SCML2: variants seen among roughly 807,000 people sequenced by gnomAD.
SCML2 encodes the protein Scm polycomb group protein like 2, also known as sex comb on midleg-like protein 2.
In SCML2, 6 loss-of-function variants were observed where a neutral mutation model predicts 48.4. The observed-to-expected ratio is 0.12, with a 90% CI of 0.07 to 0.24. SCML2 has a LOEUF of 0.24. Ranked by LOEUF, SCML2 falls within the 10% of genes least tolerant of loss-of-function variation. The pLI is 1.00. For missense variants in SCML2, 377 were observed against 528.2 expected (o/e 0.71, Z 2.81); for synonymous variants, 181 against 189.5 (o/e 0.95, Z 0.37).
chrX:18,312,878 TA>T (rs1928996345), intron 6 of SCML2, among the ~76,000 whole-genome samples: 1 of 111,072 alleles, frequency 9.0e-6, no homozygotes, highest in Non-Finnish European at 1.9e-5. Flanking sequence ...ATATAAACTG[TA>T]TTTAAAGCCA....
In SCML2 at chrX:18,247,639, G is replaced by A. The variant is rs145514588; in HGVS notation, c.1570+130C>T. ...AGGGTTCAACAAAGCTGTCCAAGTA[G>A]TAGCCTAACTGCCAAACTTGTTTGG... On this transcript the variant is annotated intron_variant, in intron 12 of 14. Coordinates refer to ENST00000251900, the MANE Select transcript of SCML2 (RefSeq NM_006089.3). 1,597 of 429,014 alleles carry A rather than the reference G, an allele frequency of 3.7e-3. 38 individuals carry two copies. The Admixed American group carries it at 0.049, about 13-fold the overall frequency. 35.4% of individuals were successfully genotyped at this position (429,014 alleles called of 1,213,427 possible). A position where few individuals can be genotyped will look rare whatever the true frequency, so the allele number is the denominator to read the frequency against.
intron 6 of SCML2, among the ~76,000 whole-genome samples, chrX:18,305,781 G>A (rs1280686277): frequency 9.1e-6 from 1 of 109,415 alleles, no homozygotes; most frequent in Non-Finnish European, 1.9e-5. Flanking sequence ...AAAAGAAACT[G>A]TAAGTATAAA....
intron 6 of SCML2, among the ~76,000 whole-genome samples, chrX:18,307,166 C>A (rs55948039): frequency 9.1e-6 from 1 of 109,745 alleles, no homozygotes; most frequent in Non-Finnish European, 1.9e-5. Flanking sequence ...CACCTGTAGT[C>A]CCAGCTACTT....
chrX:18,349,859 A>C (rs1033932857), intron 1 of SCML2, among the ~76,000 whole-genome samples: 3 of 112,945 alleles, frequency 2.7e-5, no homozygotes, highest in African/African-American at 9.6e-5. Context: ...AACCCTAGAA[A>C]TAGACAACAT....
intron 1 of SCML2, among the ~76,000 whole-genome samples, chrX:18,335,027 C>T (rs905975681): frequency 2.7e-5 from 3 of 110,648 alleles, no homozygotes; most frequent in African/African-American, 9.9e-5. Context: ...GCCTGGGACA[C>T]TCAGCATCAG....
chrX:18,289,548 G>T (rs1928163532), intron 7 of SCML2, among the ~76,000 whole-genome samples: 1 of 111,720 alleles, frequency 9.0e-6, no homozygotes, highest in African/African-American at 3.2e-5. Flanking sequence ...ATACTCAAGT[G>T]TTTATTCAGA....
chrX:18,341,808 A>G (rs1221484943), intron 1 of SCML2, among the ~76,000 whole-genome samples: 1 of 112,132 alleles, frequency 8.9e-6, no homozygotes, highest in African/African-American at 3.2e-5. Context: ...CTTTGACTAT[A>G]ACTTGAGAAA....
Position 18,242,534 on chromosome X carries a change from C to T in SCML2, c.1879G>A (p.Asp627Asn). ...PSVLKQGFSK[D>N]PSTWSVDEVI... ...TCATCCACAGACCAGGTTGAAGGGT[C>T]CTTAGAGAAGCCTTGTTTCAGGACA... Residue 627 changes from aspartate to asparagine, a missense_variant, in exon 14 of 15, where the codon GAC becomes AAC. Coordinates refer to ENST00000251900, the MANE Select transcript of SCML2 (RefSeq NM_006089.3). 1 of 1,207,704 alleles carries T rather than the reference C, an allele frequency of 8.3e-7. No homozygotes were observed. Among genetic ancestry groups the T allele is most frequent in the Non-Finnish European group, 1.1e-6 (1 of 893,665 alleles).
At chrX:18,266,539 G>C (rs1203272920) in intron 7 of SCML2, among the ~76,000 whole-genome samples, 1 of 111,609 alleles carries the variant, frequency 9.0e-6, no homozygotes. Context: ...GATATGTTTA[G>C]TATTAATTCC....
rs1929569670 is a variant in SCML2 at position 18,329,028 on chromosome X, C to G, written c.91+1559G>C. Among the ~76,000 whole-genome samples the G allele has an allele frequency of 7.2e-5, 8 of 111,344 alleles. No individual in the cohort carries two copies. In the Admixed American group the frequency reaches 7.7e-4, roughly 11 times the overall value. On this transcript the variant is annotated intron_variant, in intron 3 of 14. Coordinates refer to ENST00000251900, the MANE Select transcript of SCML2 (RefSeq NM_006089.3). ...AGGCACTAGGGAGAAATGGGGAGTA[C>G]TGTTAATGGGTACAGGATTTCTTTT...
rs1476506160 is a variant in SCML2, at chrX:18,239,480, T to A, written c.*1771A>T. On this transcript the variant is annotated 3_prime_UTR_variant, in exon 15 of 15. Coordinates refer to ENST00000251900, the MANE Select transcript of SCML2 (RefSeq NM_006089.3). ...ATCTTATGACATGTAAGGAATAACATAAATGAAGCTATTCTTTAAATAGTT... is the reference window on the plus strand; with the variant it reads ...ATCTTATGACATGTAAGGAATAACAAAAATGAAGCTATTCTTTAAATAGTT... 2 of 112,671 alleles carry A rather than the reference T, an allele frequency of 1.8e-5. No homozygotes were observed. Among genetic ancestry groups the A allele is most frequent in the African/African-American group, 6.5e-5 (2 of 30,926 alleles). The allele number at this position is 112,671 out of a possible 1,213,427, so 9.3% of individuals were successfully genotyped here.
intron 6 of SCML2, among the ~76,000 whole-genome samples, chrX:18,312,221 A>G: frequency 8.9e-6 from 1 of 111,919 alleles, no homozygotes; most frequent in Admixed American, 9.5e-5. Context: ...CTTGTACCAG[A>G]GTGTTAACAA....
At chrX:18,322,809 G>A (rs187898412) in intron 5 of SCML2, among the ~76,000 whole-genome samples, 1 of 110,442 alleles carries the variant, frequency 9.1e-6, no homozygotes, top group East Asian at 2.9e-4. Flanking sequence ...CAGGAGAATC[G>A]CTTGAAACCA....
chrX:18,325,169 C>T (rs559327528), intron 3 of SCML2, among the ~76,000 whole-genome samples, 192 bp from the exon 4 acceptor site: 5 of 109,898 alleles, frequency 4.5e-5, no homozygotes, highest in East Asian at 5.7e-4. Flanking sequence ...AAAAATAAGA[C>T]GATATCCTGA....
At chrX:18,350,698 T>C (rs12839070) in intron 1 of SCML2, among the ~76,000 whole-genome samples, 2 of 109,110 alleles carry the variant, frequency 1.8e-5, no homozygotes, top group Non-Finnish European at 3.8e-5. Context: ...TGAGCCGAGA[T>C]TGCACCTGCA....
At chrX:18,281,345 T>G (rs535477045) in intron 7 of SCML2, among the ~76,000 whole-genome samples, 1 of 112,479 alleles carries the variant, frequency 8.9e-6, no homozygotes, top group Non-Finnish European at 1.9e-5. Context: ...GGGATGCTGC[T>G]AAAACAGTGT....
Position 18,260,196 on chromosome X carries a change from C to T in SCML2, c.1044G>A (p.Gly348=), listed in dbSNP as rs766908341. 7 of 1,199,849 alleles carry T rather than the reference C, an allele frequency of 5.8e-6. No homozygotes were observed. Among genetic ancestry groups the T allele is most frequent in the East Asian group, 3.0e-5 (1 of 33,722 alleles). The part of the protein sequence containing the change: ...RGMLYKDVAS[G]PCKIVMSTVC... ...CTGTAGACATCACTATTTTACATGG[C>T]CCAGAAGCGACATCTTTATATAACA... is the stretch of plus-strand genomic sequence containing the variant. Residue 348 remains glycine, a synonymous_variant, in exon 9 of 15, where the codon GGG becomes GGA. Coordinates refer to ENST00000251900, the MANE Select transcript of SCML2 (RefSeq NM_006089.3).
At chrX:18,244,791 G>T (rs755460342) in intron 13 of SCML2, among the ~76,000 whole-genome samples, 74 of 111,083 alleles carry the variant, frequency 6.7e-4, no homozygotes, top group Non-Finnish European at 1.2e-3. Flanking sequence ...ATAAAGATCA[G>T]CAATATTTTT....
Position 18,246,814 on chromosome X carries a change from C to G in SCML2, c.1585G>C (p.Ala529Pro), listed in dbSNP as rs1326559651. 1 of 1,199,151 alleles carries G rather than the reference C, an allele frequency of 8.3e-7. No individual in the cohort carries two copies. Among genetic ancestry groups the G allele is most frequent in the Non-Finnish European group, 1.1e-6 (1 of 889,799 alleles). ...TCTTTGGGAATGGCACTTCCCCCAGCAAACAATGGTTCTCCTACAGGGAAA... is the reference window on the plus strand; with the variant it reads ...TCTTTGGGAATGGCACTTCCCCCAGGAAACAATGGTTCTCCTACAGGGAAA... ...EYASEGEPLFAGGSAIPKEEN... is the reference protein window; with the variant it reads ...EYASEGEPLFPGGSAIPKEEN... Residue 529 changes from alanine (A) to proline (P), a missense_variant, in exon 13 of 15, where the codon GCT becomes CCT. Physicochemically the swap from Ala to Pro is conservative, Grantham distance 27 (BLOSUM62 -1). Transcript: ENST00000251900.
Sources: gnomAD v4.1 joint callset for allele counts (sites outside exome capture counted in the v4.1 genomes callset) on GRCh38, gnomAD v4.1.1 for gene constraint, MANE v1.5 for transcripts, NCBI Gene and HGNC (gene_info 2026-07-23, HGNC 2026-07-21) for gene names.